EYS: variants seen among roughly 807,000 people sequenced by gnomAD.
EYS encodes the protein EGF-like photoreceptor maintenance factor.
Under a neutral mutation model 282.1 loss-of-function variants are expected in EYS, and 250 were observed. That is an observed-to-expected ratio of 0.89 (90% CI 0.80 to 0.98). The LOEUF (loss-of-function observed/expected upper bound fraction) is 0.98. EYS is among the 50% of genes least tolerant of loss of function. The probability of loss-of-function intolerance (pLI) is 0.00; values close to 1 mark genes in which losing one functional copy is unlikely to be tolerated. For synonymous variants in EYS, 1,355 were observed against 1,282.9 expected (o/e 1.06, Z -1.20); for missense variants, 4,016 against 3,709.0 (o/e 1.08, Z -2.15).
At chr6:63,988,476 G>A (rs1011358160) in intron 34 of EYS, among the ~76,000 whole-genome samples, 10 of 151,604 alleles carry the variant, frequency 6.6e-5, no homozygotes, top group Non-Finnish European at 4.4e-5. Context: ...CTGATGTGAG[G>A]CTCATGCTTA....
At chr6:64,236,807 T>C (rs2150341121) in intron 30 of EYS, among the ~76,000 whole-genome samples, 1 of 151,566 alleles carries the variant, frequency 6.6e-6, no homozygotes, top group South Asian at 2.1e-4. Context: ...ATATATTTAT[T>C]ATACTTTAAG....
intron 26 of EYS, among the ~76,000 whole-genome samples, chr6:64,487,900 C>T (rs1409114844): frequency 6.6e-6 from 1 of 150,802 alleles, no homozygotes. Flanking sequence ...ATTAGTCATA[C>T]CTTTGTTTTT....
intron 1 of EYS, among the ~76,000 whole-genome samples, chr6:65,702,762 T>C (rs531784108): frequency 6.6e-6 from 1 of 151,880 alleles, no homozygotes; most frequent in Admixed American, 6.6e-5. Flanking sequence ...AATACATAGA[T>C]ACATATGTGT....
chr6:64,169,341 T>C (rs1176124277), intron 31 of EYS, among the ~76,000 whole-genome samples: 1 of 151,144 alleles, frequency 6.6e-6, no homozygotes, highest in African/African-American at 2.4e-5. Context: ...ATCAGAGATA[T>C]ACAAGGACAG....
intron 26 of EYS, among the ~76,000 whole-genome samples, chr6:64,585,933 C>T (rs560406914): frequency 6.6e-6 from 1 of 152,182 alleles, no homozygotes; most frequent in African/African-American, 2.4e-5. Context: ...TAATATATCA[C>T]ATGTCCATTT....
At chr6:65,045,682 C>A (rs988777981) in intron 13 of EYS, among the ~76,000 whole-genome samples, 1 of 151,738 alleles carries the variant, frequency 6.6e-6, no homozygotes, top group Non-Finnish European at 1.5e-5. Context: ...CCTCCAGAAC[C>A]ATGACAAATA....
chr6:65,598,036 G>T (rs1765469590), intron 2 of EYS, among the ~76,000 whole-genome samples: 1 of 151,986 alleles, frequency 6.6e-6, no homozygotes, highest in Non-Finnish European at 1.5e-5. Flanking sequence ...GGAAGTCAAG[G>T]CTGCAGTGAG....
Position 65,144,730 on chromosome 6 carries a change from C to T in EYS, c.2024-87003G>A, listed in dbSNP as rs1288926269. ...TTAATTCACTGTGTCTACTCATAAT[C>T]ACAGAAGAACAGAGTTATTTTACCC... On this transcript the variant is annotated intron_variant, in intron 12 of 42. Coordinates refer to ENST00000503581, the MANE Select transcript of EYS (RefSeq NM_001142800.2). 9.2e-5 allele frequency among the ~76,000 whole-genome samples: 14 copies of T among 151,394 alleles called. No homozygotes were observed. The Admixed American group carries it at 9.2e-4, about 10-fold the overall frequency.
chr6:64,700,573 T>C (rs1186626126), intron 22 of EYS, among the ~76,000 whole-genome samples: 1 of 152,048 alleles, frequency 6.6e-6, no homozygotes, highest in Non-Finnish European at 1.5e-5. Flanking sequence ...GTAGCCTTTC[T>C]ATATACAAAT....
At chr6:64,763,222 C>A (rs1362382175) in intron 22 of EYS, among the ~76,000 whole-genome samples, 3 of 152,092 alleles carry the variant, frequency 2.0e-5, no homozygotes, top group Non-Finnish European at 2.9e-5. Context: ...TTTCACTGTG[C>A]TATAAAAGAA....
At chr6:64,511,406 G>A (rs570600208) in intron 26 of EYS, among the ~76,000 whole-genome samples, 31 of 151,780 alleles carry the variant, frequency 2.0e-4, no homozygotes, top group Admixed American at 5.9e-4. Flanking sequence ...GGAGGAAATC[G>A]CAAGATGATT....
At chr6:65,383,468 T>C (rs182896840) in intron 8 of EYS, among the ~76,000 whole-genome samples, 4 of 152,054 alleles carry the variant, frequency 2.6e-5, no homozygotes, top group Admixed American at 6.6e-5. Context: ...TACTTTTTAA[T>C]TTTTATAGCA....
At chr6:65,238,946 G>C (rs1312240982) in intron 12 of EYS, among the ~76,000 whole-genome samples, 1 of 151,916 alleles carries the variant, frequency 6.6e-6, no homozygotes, top group Non-Finnish European at 1.5e-5. Context: ...GCTTAAAAAA[G>C]TTATTGGAAG....
chr6:64,131,385 G>T (rs1308452639), intron 31 of EYS, among the ~76,000 whole-genome samples: 1 of 151,982 alleles, frequency 6.6e-6, no homozygotes, highest in African/African-American at 2.4e-5. Context: ...AAGCAATGTT[G>T]CTTGCTCAAA....
At chr6:64,328,499 A>T (rs903649939) in intron 29 of EYS, among the ~76,000 whole-genome samples, 8 of 152,188 alleles carry the variant, frequency 5.3e-5, no homozygotes, top group Non-Finnish European at 8.8e-5. Context: ...GTCCCAGTGA[A>T]TTTTATGAGA....
chr6:65,275,686 C>A (rs1330818313), intron 12 of EYS, among the ~76,000 whole-genome samples: 1 of 152,088 alleles, frequency 6.6e-6, no homozygotes, highest in East Asian at 1.9e-4. Flanking sequence ...TGGATGATCT[C>A]AGACTTGAAA....
At chr6:65,060,218 C>G (rs1773527835) in intron 12 of EYS, among the ~76,000 whole-genome samples, 2 of 144,612 alleles carry the variant, frequency 1.4e-5, no homozygotes, top group African/African-American at 5.1e-5. Context: ...GACAAGACAC[C>G]TACAAGGAAG....
chr6:65,600,336 A>G (rs921622542), intron 2 of EYS, among the ~76,000 whole-genome samples: 2 of 152,038 alleles, frequency 1.3e-5, no homozygotes, highest in Non-Finnish European at 2.9e-5. Flanking sequence ...AACCTTCAAG[A>G]AGAACCTCAT....
chr6:63,973,317 CT>C (rs1242991701), intron 35 of EYS, among the ~76,000 whole-genome samples: 2 of 152,026 alleles, frequency 1.3e-5, no homozygotes, highest in East Asian at 1.9e-4. Context: ...TTATGATGAG[CT>C]TTTTTTCATA....
Sources: allele counts gnomAD v4.1 joint callset (sites outside exome capture counted in the v4.1 genomes callset), GRCh38; gene constraint gnomAD v4.1.1; transcripts MANE v1.5; gene names NCBI Gene and HGNC (gene_info 2026-07-23, HGNC 2026-07-21).